The following CHLSN variants were observed in gnomAD, a reference collection of about 807,000 sequenced individuals.
The protein encoded by CHLSN is cholesin, also known as protein cholesin.
chr7:1,056,981 G>A, the CHLSN span, among the ~76,000 whole-genome samples: 29 of 152,016 alleles, frequency 1.9e-4, no homozygotes, highest in Non-Finnish European at 2.9e-4. Context: ...TGTGGGCTGC[G>A]ACCCACAGGT....
chr7:1,041,912 G>A, the CHLSN span, among the ~76,000 whole-genome samples: 16 of 152,182 alleles, frequency 1.1e-4, no homozygotes, highest in South Asian at 2.1e-4. Context: ...CTTCCGGACC[G>A]CCACTCAGAA....
chr7:992,058 C>T, the CHLSN span, among the ~76,000 whole-genome samples: 1 of 152,212 alleles, frequency 6.6e-6, no homozygotes, highest in South Asian at 2.1e-4. Flanking sequence ...CCTCTGTGGA[C>T]ATCCACCCCA....
chr7:1,066,376 G>A, the CHLSN span, among the ~76,000 whole-genome samples: 1 of 152,202 alleles, frequency 6.6e-6, no homozygotes, highest in South Asian at 2.1e-4. Context: ...GGGGCCCATC[G>A]TGGCCCACAG....
chr7:1,008,442 T>C, the CHLSN span, among the ~76,000 whole-genome samples: 1 of 152,180 alleles, frequency 6.6e-6, no homozygotes, highest in Non-Finnish European at 1.5e-5. Flanking sequence ...GAAAGAGCTC[T>C]TGGGGTAGCC....
chr7:1,082,024 C>T, the CHLSN span: 6 of 152,398 alleles, frequency 3.9e-5, no homozygotes, highest in Admixed American at 6.5e-5. Context: ...CCACAAACGC[C>T]GCCCCGCAGG....
chr7:1,064,722 G>A, the CHLSN span, among the ~76,000 whole-genome samples: 28 of 152,282 alleles, frequency 1.8e-4, no homozygotes, highest in African/African-American at 6.0e-4. Context: ...CCAGACTGTC[G>A]GATGTGGGGC....
At chr7:1,005,493 G>A in the CHLSN span, among the ~76,000 whole-genome samples, 3 of 152,230 alleles carry the variant, frequency 2.0e-5, no homozygotes, top group Admixed American at 1.3e-4. Flanking sequence ...GGGCTGGCGC[G>A]GACAGGGGCC....
the CHLSN span, among the ~76,000 whole-genome samples, chr7:1,081,496 T>C: frequency 6.6e-6 from 1 of 151,994 alleles, no homozygotes. Flanking sequence ...GGCGCAGGGG[T>C]GGCGGCAAGG....
At chr7:1,134,676 G>A in the CHLSN span, among the ~76,000 whole-genome samples, 1 of 151,848 alleles carries the variant, frequency 6.6e-6, no homozygotes, top group Admixed American at 6.6e-5. Flanking sequence ...AGACCATCCT[G>A]GCTAACATGG....
the CHLSN span, among the ~76,000 whole-genome samples, chr7:1,062,915 A>T: frequency 6.6e-6 from 1 of 152,040 alleles, no homozygotes. Context: ...AACCAACTTA[A>T]ACCTCACCTA....
At chr7:1,064,621 G>A in the CHLSN span, among the ~76,000 whole-genome samples, 3 of 152,316 alleles carry the variant, frequency 2.0e-5, no homozygotes, top group East Asian at 3.9e-4. Context: ...GAAAGGCACC[G>A]GCAGACAAAG....
At chr7:1,013,234 CA>C in the CHLSN span, among the ~76,000 whole-genome samples, 1,224 of 152,340 alleles carry the variant, frequency 8.0e-3, 14 homozygotes, top group African/African-American at 0.028. Context: ...GCCGACCCTC[CA>C]AAGAACGCGG....
the CHLSN span, among the ~76,000 whole-genome samples, chr7:1,022,656 T>C: frequency 9.9e-5 from 15 of 152,114 alleles, no homozygotes; most frequent in Non-Finnish European, 2.9e-5. Flanking sequence ...AGCATCGATG[T>C]GGTCTTCTTA....
At chr7:1,040,951 C>T in the CHLSN span, among the ~76,000 whole-genome samples, 18 of 152,362 alleles carry the variant, frequency 1.2e-4, no homozygotes, top group South Asian at 2.1e-4. Context: ...TGCTGCATGC[C>T]GGGCCTCCAG....
the CHLSN span, among the ~76,000 whole-genome samples, chr7:978,920 C>G: frequency 6.6e-6 from 1 of 152,250 alleles, no homozygotes; most frequent in African/African-American, 2.4e-5. Context: ...CGATGGCACA[C>G]GTGGCTGGCA....
At chr7:1,009,080 C>G in the CHLSN span, among the ~76,000 whole-genome samples, 20 of 152,264 alleles carry the variant, frequency 1.3e-4, no homozygotes, top group Non-Finnish European at 2.8e-4. Flanking sequence ...GCGTGCACAT[C>G]CACGCAGGCC....
chr7:1,104,569 G>A, the CHLSN span, among the ~76,000 whole-genome samples: 3 of 152,188 alleles, frequency 2.0e-5, no homozygotes, highest in Non-Finnish European at 2.9e-5. Flanking sequence ...TGTTCCCGAG[G>A]GGCCCATGCA....
At chr7:1,049,291 C>T in the CHLSN span, among the ~76,000 whole-genome samples, 1 of 152,164 alleles carries the variant, frequency 6.6e-6, no homozygotes, top group Non-Finnish European at 1.5e-5. Flanking sequence ...GGGAGGAGGC[C>T]AAAGATCTGC....
chr7:1,115,911 G>A, the CHLSN span, among the ~76,000 whole-genome samples: 1 of 118,714 alleles, frequency 8.4e-6, no homozygotes, highest in African/African-American at 3.0e-5. Context: ...GCCCACGCAG[G>A]ATGACATCAC....
Sources: allele counts gnomAD v4.1 joint callset (sites outside exome capture counted in the v4.1 genomes callset), GRCh38; gene constraint gnomAD v4.1.1; transcripts MANE v1.5; gene names NCBI Gene and HGNC (gene_info 2026-07-23, HGNC 2026-07-21).